The following RILPL1 variants were observed in gnomAD, a reference collection of about 807,000 sequenced individuals.
RILPL1 encodes Rab interacting lysosomal protein like 1, also known as RILP-like protein 1.
A neutral mutation model predicts 50.3 loss-of-function variants in RILPL1; 33 were observed. That is an observed-to-expected ratio of 0.66 (90% CI 0.50 to 0.88). RILPL1 has a LOEUF of 0.88. RILPL1 is among the 40% of genes least tolerant of loss of function. The pLI is 0.00. For missense variants in RILPL1, 418 were observed against 542.5 expected, an observed-to-expected ratio of 0.77 and a Z score of 2.28; for synonymous variants, 205 against 228.6, an observed-to-expected ratio of 0.90 and a Z score of 0.93.
intron 2 of RILPL1, among the ~76,000 whole-genome samples, chr12:123,509,646 C>T (rs912315079): frequency 1.3e-5 from 2 of 152,070 alleles, no homozygotes; most frequent in Non-Finnish European, 2.9e-5. Context: ...AGTGAAAAAG[C>T]CAGGCACAAG....
Position 123,498,803 on chromosome 12 carries a change from C to T in RILPL1, c.580-38G>A. 1 of 1,589,384 alleles carries T rather than the reference C, an allele frequency of 6.3e-7. No individual in the cohort carries two copies. Among genetic ancestry groups the T allele is most frequent in the Non-Finnish European group, 8.6e-7 (1 of 1,164,172 alleles). On this transcript the variant is annotated intron_variant, in intron 3 of 6. Coordinates refer to ENST00000376874, the MANE Select transcript of RILPL1 (RefSeq NM_178314.5). This position sits in a 1 kb window ranked among gnomAD's most constrained non-coding sequence, Gnocchi z 4.3. Reference sequence around the variant, plus strand: ...GGAGACCATTGTGCGGGGCTGCCACCTGCGGTAGCTCAGGTTGTACACTGC... The same window carrying T: ...GGAGACCATTGTGCGGGGCTGCCACTTGCGGTAGCTCAGGTTGTACACTGC...
In RILPL1 at chr12:123,522,511, A is replaced by G. The variant is rs1034061311; in HGVS notation, c.460+984T>C. Among the ~76,000 whole-genome samples, 6 of 152,126 alleles carry G rather than the reference A, an allele frequency of 3.9e-5. No individual in the cohort carries two copies. Among genetic ancestry groups the G allele is most frequent in the African/African-American group, 1.4e-4 (6 of 41,432 alleles). ...TCTCTTCCCAGCACACTTAGAATAA[A>G]ATCCAAACCTCAGCCTCTAAGGAGC... On this transcript the variant is annotated intron_variant, in intron 2 of 6. Transcript: ENST00000376874. The surrounding 1 kb of genome is among the most constrained non-coding windows in gnomAD (Gnocchi z 4.0).
At chr12:123,513,386 G>A in intron 2 of RILPL1, 2 of 385,104 alleles carry the variant, frequency 5.2e-6, no homozygotes, top group Non-Finnish European at 1.1e-5. Context: ...GGCTGCCTTG[G>A]CTCCCCGAGA....
chr12:123,472,957 A>G (rs1245034982), intron 6 of RILPL1: 2 of 362,818 alleles, frequency 5.5e-6, no homozygotes, highest in Non-Finnish European at 1.0e-5. Flanking sequence ...GTTAGCCGCT[A>G]TGGAGGATTT....
At chr12:123,531,603 A>G (rs1215462535) in intron 1 of RILPL1, among the ~76,000 whole-genome samples, 1 of 152,204 alleles carries the variant, frequency 6.6e-6, no homozygotes, top group East Asian at 1.9e-4. Context: ...GAGCACCTCA[A>G]TGAATGTCTC....
chr12:123,514,428 T>TA (rs137944636), intron 2 of RILPL1: 2,964 of 149,048 alleles, frequency 0.02, 45 homozygotes, highest in Non-Finnish European at 0.025. Flanking sequence ...GTCATGATTT[T>TA]AAAAAAAAAA....
chr12:123,488,738 C>G (rs754445796), intron 4 of RILPL1, among the ~76,000 whole-genome samples: 1 of 152,154 alleles, frequency 6.6e-6, no homozygotes, highest in Admixed American at 6.6e-5. Flanking sequence ...GGAGTCAGCA[C>G]GGGGCAGCAG....
rs1882680582 is a variant in RILPL1 at position 123,491,390 on chromosome 12, C to T, written c.802-5585G>A. Among the ~76,000 whole-genome samples the T allele has an allele frequency of 6.6e-6, 1 of 152,170 alleles. No homozygotes were observed. The highest frequency in any genetic ancestry group is 2.4e-5 in the African/African-American group (1 of 41,450). On this transcript the variant is annotated intron_variant, in intron 4 of 6. Coordinates refer to ENST00000376874, the MANE Select transcript of RILPL1 (RefSeq NM_178314.5). This position sits in a 1 kb window ranked among gnomAD's most constrained non-coding sequence, Gnocchi z 4.0. ...TGCTTCCCAGGAAGGCCCAAGAGAC[C>T]AACTAACAAGCCACGAGGCTGCCCA...
intron 6 of RILPL1, among the ~76,000 whole-genome samples, chr12:123,478,399 T>C (rs1041868603): frequency 6.6e-6 from 1 of 152,114 alleles, no homozygotes; most frequent in South Asian, 2.1e-4. Flanking sequence ...GTACAGCTAT[T>C]TCCATAAAAA....
chr12:123,484,379 G>T, intron 5 of RILPL1, 107 bp from the exon 6 acceptor site: 3 of 770,452 alleles, frequency 3.9e-6, no homozygotes, highest in Non-Finnish European at 6.9e-6. Flanking sequence ...ATGCTTTTTA[G>T]GGGACCCGCA....
intron 4 of RILPL1, among the ~76,000 whole-genome samples, chr12:123,490,774 G>T (rs1882640677): frequency 7.3e-6 from 1 of 136,732 alleles, no homozygotes; most frequent in African/African-American, 2.8e-5. Flanking sequence ...TTTTGAGACA[G>T]AGTTTTGCTC....
At position 123,498,377 on chromosome 12, in the gene RILPL1, G is replaced by A. The variant is rs1034043997; in HGVS notation, c.801+167C>T. On this transcript the variant is annotated intron_variant, in intron 4 of 6. Transcript: ENST00000376874. The surrounding 1 kb of genome is among the most constrained non-coding windows in gnomAD (Gnocchi z 4.3). ...TGGTACTACAGGTGTGCACCACCAC[G>A]CGTGGCTAATTAAAAAAAATGTTTG... Among the ~76,000 whole-genome samples the A allele has an allele frequency of 9.9e-5, 15 of 152,052 alleles. No individual in the cohort carries two copies. The highest frequency in any genetic ancestry group is 4.6e-4 in the Admixed American group (7 of 15,268).
In RILPL1 at chr12:123,498,543, C is replaced by T. The variant is rs1470728768; in HGVS notation, c.801+1G>A. On this transcript the variant is annotated splice_donor_variant, in intron 4 of 6. Coordinates refer to ENST00000376874, the MANE Select transcript of RILPL1 (RefSeq NM_178314.5). LOFTEE classifies it high-confidence loss of function. This position sits in a 1 kb window ranked among gnomAD's most constrained non-coding sequence, Gnocchi z 4.3. ...ACCTCTGCACCCAGCTTCCTGCTCA[C>T]CTCAGGCTCCTCCTCCCCATTCTGG... 1 of 1,613,050 alleles carries T rather than the reference C, an allele frequency of 6.2e-7. No homozygotes were observed. The highest frequency in any genetic ancestry group is 8.5e-7 in the Non-Finnish European group (1 of 1,179,724).
At chr12:123,520,290 G>A (rs968133283) in intron 2 of RILPL1, among the ~76,000 whole-genome samples, 1 of 152,214 alleles carries the variant, frequency 6.6e-6, no homozygotes, top group African/African-American at 2.4e-5. Context: ...TGGGAGTGGT[G>A]GCTCACGCCT....
intron 6 of RILPL1, among the ~76,000 whole-genome samples, chr12:123,481,970 T>C (rs1442718631): frequency 6.6e-6 from 1 of 151,970 alleles, no homozygotes; most frequent in African/African-American, 2.4e-5. Context: ...CCTCCCGGGT[T>C]CAAGCAATTT....
In RILPL1 at chr12:123,498,619, G is replaced by A. The variant is rs1883178979; in HGVS notation, c.726C>T (p.Ser242=). 1 of 1,613,506 alleles carries A rather than the reference G, an allele frequency of 6.2e-7. No homozygotes were observed. The highest frequency in any genetic ancestry group is 1.3e-5 in the African/African-American group (1 of 74,876). ...GCAACTTCCCCAGCTCTGCTCGCAG[G>A]CTGCCCATCTCCTGCTCCTTGGTCT... ...DLQTKEQEMG[S]LRAELGKLRE... The change falls in exon 4 of 7, where the codon AGC becomes AGT. Residue 242 remains serine, a synonymous_variant. Coordinates refer to ENST00000376874, the MANE Select transcript of RILPL1 (RefSeq NM_178314.5). The surrounding 1 kb of genome is among the most constrained non-coding windows in gnomAD (Gnocchi z 4.3).
intron 1 of RILPL1, among the ~76,000 whole-genome samples, chr12:123,525,400 T>TTA (rs71088926): frequency 6.7e-6 from 1 of 149,322 alleles, no homozygotes; most frequent in Non-Finnish European, 1.5e-5. Context: ...TTTTTTTTTT[T>TTA]AGAGATGGGG....
chr12:123,520,715 C>A (rs1020875022), intron 2 of RILPL1, among the ~76,000 whole-genome samples: 5 of 152,172 alleles, frequency 3.3e-5, no homozygotes, highest in African/African-American at 1.2e-4. Flanking sequence ...ACGCAAGCCC[C>A]AGAATGTGCC....
At chr12:123,508,460 T>C (rs1422355496) in intron 2 of RILPL1, among the ~76,000 whole-genome samples, 2 of 152,192 alleles carry the variant, frequency 1.3e-5, no homozygotes, top group African/African-American at 2.4e-5. Context: ...ATGAATCTTA[T>C]GATTTCTCAA....
Sources: gnomAD v4.1 joint callset for allele counts (sites outside exome capture counted in the v4.1 genomes callset) on GRCh38, gnomAD v4.1.1 for gene constraint, Gnocchi (gnomAD v3.1) non-coding constraint, MANE v1.5 for transcripts, NCBI Gene and HGNC (gene_info 2026-07-23, HGNC 2026-07-21) for gene names.